ADGRL4: variants seen among roughly 807,000 people sequenced by gnomAD.
The protein encoded by ADGRL4 is EGF, latrophilin and seven transmembrane domain containing 1.
Under a neutral mutation model 74.8 loss-of-function variants are expected in ADGRL4, and 90 were observed. That is an observed-to-expected ratio of 1.20 (90% CI 1.02 to 1.43). The LOEUF (loss-of-function observed/expected upper bound fraction) is 1.43, where lower values mean the gene tolerates loss of function less well. ADGRL4 is among the 40% of genes most tolerant of loss of function. The probability of loss-of-function intolerance (pLI) is 0.00; values close to 1 mark genes in which losing one functional copy is unlikely to be tolerated. For missense variants in ADGRL4, 881 were observed against 814.3 expected, an observed-to-expected ratio of 1.08 and a Z score of -1.00; for synonymous variants, 311 against 279.2, an observed-to-expected ratio of 1.11 and a Z score of -1.14.
chr1:78,961,825 C>T (rs1275499812), intron 2 of ADGRL4, among the ~76,000 whole-genome samples: 1 of 151,840 alleles, frequency 6.6e-6, no homozygotes, highest in African/African-American at 2.4e-5. Flanking sequence ...AAGAGCAGTC[C>T]TGCATCATGG....
intron 7 of ADGRL4, among the ~76,000 whole-genome samples, chr1:78,930,885 A>T (rs966437116): frequency 6.6e-6 from 1 of 151,482 alleles, no homozygotes; most frequent in African/African-American, 2.5e-5. Flanking sequence ...TTATTTAATC[A>T]TTAATTTGCT....
At chr1:78,924,646 C>A (rs905477135) in intron 8 of ADGRL4, among the ~76,000 whole-genome samples, 1 of 152,122 alleles carries the variant, frequency 6.6e-6, no homozygotes, top group Non-Finnish European at 1.5e-5. Context: ...ATTTATAATT[C>A]TGTCAAAGAT....
intron 2 of ADGRL4, among the ~76,000 whole-genome samples, chr1:78,954,407 T>A (rs1397292781): frequency 6.6e-6 from 1 of 151,810 alleles, no homozygotes; most frequent in Non-Finnish European, 1.5e-5. Context: ...AAATCTAACA[T>A]AAGAGAAAAA....
In ADGRL4 at chr1:78,929,279, G is replaced by C. The variant is rs541733508; in HGVS notation, c.878-2188C>G. Among the ~76,000 whole-genome samples, 5 of 151,504 alleles carry C rather than the reference G, an allele frequency of 3.3e-5. No homozygotes were observed. The South Asian group carries it at 1.0e-3, about 31-fold the overall frequency. On this transcript the variant is annotated intron_variant, in intron 7 of 14. Transcript: ENST00000370742. Reference sequence around the variant, plus strand: ...GTCTGTAATCCCAACACTTTGGGAGGCTGAGGTGGGAGGATCACTTGAGGC... The same window carrying C: ...GTCTGTAATCCCAACACTTTGGGAGCCTGAGGTGGGAGGATCACTTGAGGC...
Position 78,891,591 on chromosome 1 carries a change from A to G in ADGRL4, c.1943T>C (p.Leu648Pro). 6.2e-7 allele frequency: 1 copy of G among 1,613,642 alleles called. No individual in the cohort carries two copies. Among genetic ancestry groups the G allele is most frequent in the Non-Finnish European group, 8.5e-7 (1 of 1,179,750 alleles). The change falls in exon 14 of 15, where the codon CTC (leucine) becomes CCC (proline). Residue 648 changes from leucine to proline, a missense_variant. By Grantham distance (98) the Leu-to-Pro change is moderately conservative. Coordinates refer to ENST00000370742, the MANE Select transcript of ADGRL4 (RefSeq NM_022159.4). ...VVHASVVTAYLFTVSNAFQGM... is the reference protein window; with the variant it reads ...VVHASVVTAYPFTVSNAFQGM... Reference sequence around the variant, plus strand: ...CTGGAAAGCATTGCTGACTGTGAAGAGGTAAGCTGTAACCACTGATGCGTG... The same window carrying G: ...CTGGAAAGCATTGCTGACTGTGAAGGGGTAAGCTGTAACCACTGATGCGTG...
Position 78,917,880 on chromosome 1 carries a change from T to C in ADGRL4, c.1632A>G (p.Val544=). 6.2e-7 allele frequency: 1 copy of C among 1,612,718 alleles called. No individual in the cohort carries two copies. Among genetic ancestry groups the C allele is most frequent in the Non-Finnish European group, 8.5e-7 (1 of 1,179,140 alleles). ...ATCCTAGTGCTGCCGAAAATCCAAC[T>C]ACCACGGCTGGGCTTAGATAGCCAA... ...YIFGYLSPAV[V]VGFSAALGYR... Residue 544 remains valine (V), a synonymous_variant, in exon 11 of 15, where the codon GTA becomes GTG. Transcript: ENST00000370742.
At chr1:78,893,978 TATAG>T (rs1051321055) in intron 12 of ADGRL4, among the ~76,000 whole-genome samples, 3 of 151,866 alleles carry the variant, frequency 2.0e-5, no homozygotes, top group African/African-American at 7.2e-5. Flanking sequence ...ATGTTAAATG[TATAG>T]ATAGTCTAAT....
chr1:78,977,734 C>T (rs1650314943), intron 2 of ADGRL4, among the ~76,000 whole-genome samples: 1 of 151,608 alleles, frequency 6.6e-6, no homozygotes, highest in Non-Finnish European at 1.5e-5. Flanking sequence ...AGAATAAGTG[C>T]CTTTTTTTTC....
chr1:78,918,150 T>C (rs1648918735), intron 10 of ADGRL4, 100 bp from the exon 11 acceptor site: 5 of 875,830 alleles, frequency 5.7e-6, no homozygotes, highest in Non-Finnish European at 8.8e-6. Flanking sequence ...ACTTTCTTTA[T>C]ACTATAAAGT....
At chr1:78,991,160 C>A (rs759609200) in intron 2 of ADGRL4, among the ~76,000 whole-genome samples, 1 of 152,026 alleles carries the variant, frequency 6.6e-6, no homozygotes, top group South Asian at 2.1e-4. Context: ...TTAAGACTTA[C>A]GATGTGTTCT....
intron 2 of ADGRL4, among the ~76,000 whole-genome samples, chr1:78,967,377 C>G (rs1650078661): frequency 6.6e-6 from 1 of 152,182 alleles, no homozygotes; most frequent in Non-Finnish European, 1.5e-5. Context: ...CTTGGCTGCA[C>G]CTAGCACACA....
At chr1:79,004,595 C>A (rs753468530) in intron 2 of ADGRL4, among the ~76,000 whole-genome samples, 5 of 151,916 alleles carry the variant, frequency 3.3e-5, no homozygotes, top group Non-Finnish European at 5.9e-5. Flanking sequence ...TTTCCTATGC[C>A]CAGGGTATGC....
intron 2 of ADGRL4, among the ~76,000 whole-genome samples, chr1:79,001,237 G>A (rs1335930218): frequency 1.6e-5 from 2 of 125,462 alleles, no homozygotes; most frequent in Non-Finnish European, 3.5e-5. Context: ...GAGGGAGGGA[G>A]GGAGGGAGGA....
chr1:78,972,235 C>T (rs56005209), intron 2 of ADGRL4, among the ~76,000 whole-genome samples: 25,717 of 152,076 alleles, frequency 0.17, 2,435 homozygotes, highest in Admixed American at 0.25. Context: ...CTGTATTTAT[C>T]TCCATGGCAT....
rs541389755 is a variant in ADGRL4 at position 78,958,942 on chromosome 1, C to A, written c.173-12516G>T. On this transcript the variant is annotated intron_variant, in intron 2 of 14. Coordinates refer to ENST00000370742, the MANE Select transcript of ADGRL4 (RefSeq NM_022159.4). ...AACCACCACCCTGATCCGTCAGCAG[C>A]CAACATCAAAGCAAGACCTTCCACC... Among the ~76,000 whole-genome samples the A allele has an allele frequency of 2.1e-3, 326 of 152,266 alleles. 2 individuals are homozygous for A. The highest frequency in any genetic ancestry group is 2.0e-3 in the Non-Finnish European group (136 of 68,020).
intron 2 of ADGRL4, among the ~76,000 whole-genome samples, chr1:78,970,204 C>T (rs1650143205): frequency 6.6e-6 from 1 of 152,020 alleles, no homozygotes; most frequent in Non-Finnish European, 1.5e-5. Flanking sequence ...ACATTTTTGT[C>T]CAAAACTCAA....
At chr1:78,976,229 C>T (rs11162583) in intron 2 of ADGRL4, among the ~76,000 whole-genome samples, 44,031 of 151,628 alleles carry the variant, frequency 0.29, 6,450 homozygotes, top group Middle Eastern at 0.32. Flanking sequence ...CAGCAAAGTA[C>T]AATAAATAAG....
intron 6 of ADGRL4, among the ~76,000 whole-genome samples, chr1:78,937,556 T>C (rs1649380242): frequency 6.6e-6 from 1 of 152,204 alleles, no homozygotes; most frequent in South Asian, 2.1e-4. Flanking sequence ...GACCATTTAA[T>C]GGCTGTACAG....
intron 2 of ADGRL4, among the ~76,000 whole-genome samples, chr1:78,992,796 T>C (rs1650634475): frequency 6.6e-6 from 1 of 152,144 alleles, no homozygotes; most frequent in African/African-American, 2.4e-5. Context: ...GATACTTTTA[T>C]ACAAAAGCTA....
Sources: allele counts gnomAD v4.1 joint callset (sites outside exome capture counted in the v4.1 genomes callset), GRCh38; gene constraint gnomAD v4.1.1; transcripts MANE v1.5; gene names NCBI Gene and HGNC (gene_info 2026-07-23, HGNC 2026-07-21).